The following UBTD1 variants were observed in gnomAD, a reference collection of about 807,000 sequenced individuals.
UBTD1 encodes ubiquitin domain containing 1.
UBTD1 carries 19 observed loss-of-function variants against 21.7 expected under a neutral mutation model. The observed-to-expected ratio is 0.87, with a 90% CI of 0.61 to 1.28. UBTD1 has a LOEUF of 1.28. Among genes scored for constraint, UBTD1 ranks in the 50% most tolerant of loss-of-function variants. The probability of loss-of-function intolerance (pLI) is 0.00; values close to 1 mark genes in which losing one functional copy is unlikely to be tolerated. For synonymous variants in UBTD1, 116 were observed against 135.1 expected, an observed-to-expected ratio of 0.86 and a Z score of 0.98; for missense variants, 282 against 315.1, an observed-to-expected ratio of 0.89 and a Z score of 0.80.
At chr10:97,541,290 A>G (rs1026962780) in intron 1 of UBTD1, among the ~76,000 whole-genome samples, 1 of 152,128 alleles carries the variant, frequency 6.6e-6, no homozygotes, top group Non-Finnish European at 1.5e-5. Context: ...CAGCTTGGGC[A>G]ACACAGGCAG....
chr10:97,554,009 G>A (rs1003263105), intron 1 of UBTD1, among the ~76,000 whole-genome samples: 8 of 152,208 alleles, frequency 5.3e-5, no homozygotes, highest in African/African-American at 1.9e-4. Context: ...GAGCTTGAGA[G>A]GTTTGCAAGC....
rs2040725828 is a variant in UBTD1 at position 97,567,940 on chromosome 10, C to T, written c.97C>T (p.Arg33Trp). The change falls in exon 2 of 3, where the codon CGG becomes TGG. Residue 33 changes from arginine to tryptophan, a missense_variant. Transcript: ENST00000370664. ...AGRNEPLKKE[R>W]LKWKSDYPMT... ...ACGCAATGAGCCCCTGAAGAAAGAG[C>T]GGCTTAAGTGGAAGAGCGACTACCC... 1 of 1,614,150 alleles carries T rather than the reference C, an allele frequency of 6.2e-7. No homozygotes were observed. The highest frequency in any genetic ancestry group is 8.5e-7 in the Non-Finnish European group (1 of 1,180,038).
intron 1 of UBTD1, among the ~76,000 whole-genome samples, chr10:97,563,233 T>C (rs1441885552): frequency 6.6e-6 from 1 of 152,200 alleles, no homozygotes; most frequent in Admixed American, 6.5e-5. Flanking sequence ...CCAAGGGGGT[T>C]CAGCGTAATT....
At chr10:97,561,784 T>C (rs2040693956) in intron 1 of UBTD1, among the ~76,000 whole-genome samples, 1 of 152,212 alleles carries the variant, frequency 6.6e-6, no homozygotes, top group Non-Finnish European at 1.5e-5. Context: ...TAAAACAATA[T>C]GAGAGGGTCT....
chr10:97,499,021 C>T lies in UBTD1; in HGVS notation c.-183C>T. Reference sequence around the variant, plus strand: ...ACCGTGCTGGGGAGTCTGCCACTTCCCTCTCTCCCCTGGCCCGCAAAGTTT... The same window carrying T: ...ACCGTGCTGGGGAGTCTGCCACTTCTCTCTCTCCCCTGGCCCGCAAAGTTT... On this transcript the variant is annotated 5_prime_UTR_variant, in exon 1 of 3. Transcript: ENST00000370664. 3.1e-6 allele frequency: 2 copies of T among 650,680 alleles called. No individual in the cohort carries two copies. Among genetic ancestry groups the T allele is most frequent in the Middle Eastern group, 8.7e-4 (2 of 2,298 alleles). The allele number at this position is 650,680 out of a possible 1,614,324, so 40.3% of individuals were successfully genotyped here.
intron 1 of UBTD1, among the ~76,000 whole-genome samples, chr10:97,561,770 C>A (rs10748702): frequency 0.96 from 145,464 of 152,200 alleles, 69,691 homozygotes; most frequent in Non-Finnish European, 0.99. Flanking sequence ...AGTATAAAAC[C>A]ATATAAAACA....
At chr10:97,530,911 G>A (rs1387021121) in intron 1 of UBTD1, among the ~76,000 whole-genome samples, 3 of 150,370 alleles carry the variant, frequency 2.0e-5, no homozygotes, top group East Asian at 1.9e-4. Context: ...TTTTTGAGAC[G>A]GAGTCTGGCT....
chr10:97,546,168 G>A (rs987463900), intron 1 of UBTD1, among the ~76,000 whole-genome samples: 2 of 152,214 alleles, frequency 1.3e-5, no homozygotes, highest in African/African-American at 2.4e-5. Flanking sequence ...TTCAGGAGGT[G>A]CACAGAGGCT....
At chr10:97,560,393 TTAA>T (rs1182380441) in intron 1 of UBTD1, among the ~76,000 whole-genome samples, 2 of 152,242 alleles carry the variant, frequency 1.3e-5, no homozygotes, top group East Asian at 3.8e-4. Context: ...TCCTTTGCTA[TTAA>T]TAAGACCTTG....
intron 1 of UBTD1, among the ~76,000 whole-genome samples, chr10:97,546,071 C>T (rs1320527553): frequency 1.3e-5 from 2 of 152,192 alleles, no homozygotes; most frequent in African/African-American, 4.8e-5. Flanking sequence ...AGGCGTGAGC[C>T]ACCACACCCA....
intron 1 of UBTD1, among the ~76,000 whole-genome samples, chr10:97,533,289 C>T (rs1344742559): frequency 1.3e-5 from 2 of 152,198 alleles, no homozygotes; most frequent in African/African-American, 4.8e-5. Flanking sequence ...CCTTCTCCTC[C>T]CCACCCACTG....
At chr10:97,533,871 T>C (rs369607076) in intron 1 of UBTD1, among the ~76,000 whole-genome samples, 1 of 147,776 alleles carries the variant, frequency 6.8e-6, no homozygotes, top group East Asian at 2.0e-4. Context: ...TACAGTGAGC[T>C]GAGATCACGC....
At chr10:97,504,282 C>G (rs986205022) in intron 1 of UBTD1, among the ~76,000 whole-genome samples, 2 of 150,038 alleles carry the variant, frequency 1.3e-5, no homozygotes, top group Non-Finnish European at 3.0e-5. Flanking sequence ...GCGTGATACT[C>G]TAAACTGTAA....
At position 97,568,087 on chromosome 10, in the gene UBTD1, G is replaced by A. The variant is rs369010339; in HGVS notation, c.244G>A (p.Asp82Asn). 8.7e-6 allele frequency: 14 copies of A among 1,613,688 alleles called. No homozygotes were observed. The highest frequency in any genetic ancestry group is 1.0e-5 in the Non-Finnish European group (12 of 1,180,046). The change falls in exon 2 of 3, where the codon GAC (aspartate) becomes AAC (asparagine). Residue 82 changes from aspartate to asparagine, a missense_variant. Transcript: ENST00000370664. ...TGCCGCCTATGCTGCTGAAGCCAACGACCACGAGCTGGCCCAGGCCATCCT... is the reference window on the plus strand; with the variant it reads ...TGCCGCCTATGCTGCTGAAGCCAACAACCACGAGCTGGCCCAGGCCATCCT... ...KAAAYAAEANDHELAQAILDG... is the reference protein window; with the variant it reads ...KAAAYAAEANNHELAQAILDG...
intron 1 of UBTD1, among the ~76,000 whole-genome samples, chr10:97,504,654 A>G (rs1324501164): frequency 6.6e-6 from 1 of 152,078 alleles, no homozygotes; most frequent in Non-Finnish European, 1.5e-5. Context: ...AGAGATTTTT[A>G]TTTGTTCACT....
At chr10:97,514,453 C>T (rs921392307) in intron 1 of UBTD1, among the ~76,000 whole-genome samples, 3 of 152,146 alleles carry the variant, frequency 2.0e-5, no homozygotes, top group Non-Finnish European at 2.9e-5. Flanking sequence ...GGGACACAGC[C>T]GGTTTTGCCA....
intron 1 of UBTD1, among the ~76,000 whole-genome samples, chr10:97,547,792 T>A (rs2040618206): frequency 6.6e-6 from 1 of 152,184 alleles, no homozygotes; most frequent in Non-Finnish European, 1.5e-5. Flanking sequence ...TTTGAACTCC[T>A]GACCTCAGTT....
chr10:97,521,572 T>A lies in UBTD1; in HGVS notation c.70+22299T>A, dbSNP rs569435571. 1.4e-3 allele frequency among the ~76,000 whole-genome samples: 213 copies of A among 152,354 alleles called. 1 individual carries two copies. The highest frequency in any genetic ancestry group is 0.01 in the Middle Eastern group (3 of 294). On this transcript the variant is annotated intron_variant, in intron 1 of 2. Transcript: ENST00000370664. ...TGGCTCTGCAAAAGTTAAGCCCTTC[T>A]GCCATAGCCTGGTAGAGGCTTTTTC... is the stretch of plus-strand genomic sequence containing the variant.
intron 1 of UBTD1, among the ~76,000 whole-genome samples, chr10:97,522,820 G>T (rs773237335): frequency 2.1e-4 from 32 of 152,152 alleles, no homozygotes; most frequent in African/African-American, 7.5e-4. Flanking sequence ...TGGAAGAGGG[G>T]TCTGGAGGGA....
Sources: gnomAD v4.1 joint callset for allele counts (sites outside exome capture counted in the v4.1 genomes callset) on GRCh38, gnomAD v4.1.1 for gene constraint, MANE v1.5 for transcripts, NCBI Gene and HGNC (gene_info 2026-07-23, HGNC 2026-07-21) for gene names.